Variants in ZNF438 observed in about 807,000 individuals in gnomAD.
The protein encoded by ZNF438 is zinc finger protein 438.
Under a neutral mutation model 38.0 loss-of-function variants are expected in ZNF438, and 25 were observed. The ratio of observed to expected loss-of-function variants is 0.66; its 90% confidence interval spans 0.48 to 0.92. The LOEUF is 0.92. Among genes scored for constraint, ZNF438 ranks in the 40% least tolerant of loss-of-function variants. The pLI, the probability that ZNF438 is intolerant of heterozygous loss-of-function variation, is 0.00. For missense variants in ZNF438, 1,007 were observed against 999.6 expected (o/e 1.01, Z -0.10); for synonymous variants, 372 against 364.1 (o/e 1.02, Z -0.25).
At chr10:30,915,974 C>G (rs2043584519) in intron 2 of ZNF438, among the ~76,000 whole-genome samples, 1 of 152,004 alleles carries the variant, frequency 6.6e-6, no homozygotes, top group African/African-American at 2.4e-5. Flanking sequence ...TCTGTCTTTT[C>G]TGATGGTTTC....
intron 1 of ZNF438, among the ~76,000 whole-genome samples, chr10:30,985,704 G>C (rs1373641893): frequency 6.6e-6 from 1 of 152,178 alleles, no homozygotes; most frequent in East Asian, 1.9e-4. Flanking sequence ...ATTCACAGTA[G>C]TTAAGTTCTA....
At chr10:30,897,199 T>C (rs1004886582) in intron 3 of ZNF438, among the ~76,000 whole-genome samples, 1 of 152,238 alleles carries the variant, frequency 6.6e-6, no homozygotes, top group African/African-American at 2.4e-5. Flanking sequence ...ACTGTATATC[T>C]GGGTAGTTTT....
At chr10:30,938,851 G>A (rs933839419) in intron 2 of ZNF438, among the ~76,000 whole-genome samples, 1 of 151,928 alleles carries the variant, frequency 6.6e-6, no homozygotes, top group East Asian at 1.9e-4. Flanking sequence ...CTGGAGTGCA[G>A]TGGCACGATC....
At chr10:30,920,781 T>C (rs756092792) in intron 2 of ZNF438, 13 of 152,178 alleles carry the variant, frequency 8.5e-5, no homozygotes, top group Non-Finnish European at 1.0e-4. Flanking sequence ...AGAATAGAAA[T>C]AGCCGAGTGT....
chr10:30,869,387 A>AAAAAG (rs137921381), intron 4 of ZNF438, among the ~76,000 whole-genome samples: 87,849 of 150,492 alleles, frequency 0.58, 25,910 homozygotes, highest in African/African-American at 0.62. Flanking sequence ...AAACAAAACA[A>AAAAAG]AAAAGAAAAG....
chr10:30,931,502 G>T (rs1336780449), intron 2 of ZNF438, among the ~76,000 whole-genome samples: 1 of 151,022 alleles, frequency 6.6e-6, no homozygotes, highest in Non-Finnish European at 1.5e-5. Context: ...ACTTTTTTTT[G>T]CCCCAAATTA....
intron 1 of ZNF438, among the ~76,000 whole-genome samples, chr10:30,950,370 C>G (rs1258197662): frequency 6.7e-6 from 1 of 148,318 alleles, no homozygotes; most frequent in Non-Finnish European, 1.5e-5. Flanking sequence ...CATTCAAAAG[C>G]TAGCAGAAGG....
Position 30,897,431 on chromosome 10 carries a change from T to C in ZNF438, c.-32+11502A>G, listed in dbSNP as rs563289860. On this transcript the variant is annotated intron_variant, in intron 3 of 5. Coordinates refer to ENST00000413025, the Ensembl canonical transcript of ZNF438. ...TCTTGTTCAGAAGGCCATCTTAGTA[T>C]TAGCAGCTGACAAAAGATCCAGTGC... Among the ~76,000 whole-genome samples, 59 of 152,330 alleles carry C rather than the reference T, an allele frequency of 3.9e-4. 3 individuals are homozygous for C. The South Asian group carries it at 0.012, about 31-fold the overall frequency.
At chr10:30,990,042 A>G (rs906179644) in intron 1 of ZNF438, among the ~76,000 whole-genome samples, 7 of 152,228 alleles carry the variant, frequency 4.6e-5, no homozygotes, top group Non-Finnish European at 8.8e-5. Context: ...CAAAGATGGA[A>G]TAATTTGAGC....
intron 1 of ZNF438, among the ~76,000 whole-genome samples, chr10:31,020,498 C>T (rs1377740801): frequency 2.0e-5 from 3 of 152,008 alleles, no homozygotes; most frequent in African/African-American, 7.2e-5. Context: ...GGGTACTTGG[C>T]GTCAGTTAGT....
At chr10:30,852,467 C>T (rs1218095086) in intron 4 of ZNF438, among the ~76,000 whole-genome samples, 2 of 152,140 alleles carry the variant, frequency 1.3e-5, no homozygotes, top group Non-Finnish European at 2.9e-5. Flanking sequence ...CTCGGCCTCC[C>T]AAAGTGCTGG....
chr10:30,990,861 T>TA (rs2053411852), intron 1 of ZNF438, among the ~76,000 whole-genome samples: 1 of 148,054 alleles, frequency 6.8e-6, no homozygotes, highest in Non-Finnish European at 1.5e-5. Flanking sequence ...TGAAGATATA[T>TA]CTTTTTTTTT....
intron 4 of ZNF438, among the ~76,000 whole-genome samples, chr10:30,871,665 T>C (rs1298506086): frequency 6.6e-6 from 1 of 152,266 alleles, no homozygotes; most frequent in Non-Finnish European, 1.5e-5. Flanking sequence ...TACACTTTTA[T>C]GTCTGCAAGA....
At chr10:30,968,041 A>G (rs982645447) in intron 1 of ZNF438, among the ~76,000 whole-genome samples, 1 of 152,222 alleles carries the variant, frequency 6.6e-6, no homozygotes, top group African/African-American at 2.4e-5. Flanking sequence ...CACAGAGCAC[A>G]GCATAAATTT....
intron 1 of ZNF438, among the ~76,000 whole-genome samples, chr10:30,949,228 C>A (rs1458608560): frequency 2.8e-4 from 43 of 151,012 alleles, no homozygotes; most frequent in South Asian, 1.9e-3. Flanking sequence ...CCAGGCCTGC[C>A]CTAAAAGAGC....
At chr10:30,979,916 A>G (rs2051909674) in intron 1 of ZNF438, among the ~76,000 whole-genome samples, 1 of 152,150 alleles carries the variant, frequency 6.6e-6, no homozygotes, top group Non-Finnish European at 1.5e-5. Context: ...AAGCTGTAAT[A>G]TTTTTATTGT....
chr10:31,012,109 T>G (rs2055757417), intron 1 of ZNF438, among the ~76,000 whole-genome samples: 1 of 151,010 alleles, frequency 6.6e-6, no homozygotes, highest in East Asian at 1.9e-4. Context: ...TTCCCTGATC[T>G]CATTTTCTTT....
At chr10:30,938,282 T>C (rs1356486026) in intron 2 of ZNF438, among the ~76,000 whole-genome samples, 2 of 138,680 alleles carry the variant, frequency 1.4e-5, no homozygotes, top group African/African-American at 5.4e-5. Flanking sequence ...TCTATAGCTC[T>C]TTTTTTTTTT....
intron 1 of ZNF438, among the ~76,000 whole-genome samples, chr10:31,010,913 AAAAAAAAAAG>A (rs1457599079): frequency 1.3e-4 from 18 of 138,520 alleles, no homozygotes; most frequent in Admixed American, 1.0e-3. Flanking sequence ...AAAAAAAAAA[AAAAAAAAAAG>A]ATTTTGTTGA....
Sources: gnomAD v4.1 joint callset for allele counts (sites outside exome capture counted in the v4.1 genomes callset) on GRCh38, gnomAD v4.1.1 for gene constraint, MANE v1.5 for transcripts, NCBI Gene and HGNC (gene_info 2026-07-23, HGNC 2026-07-21) for gene names.